The following PLXDC2 variants were observed in gnomAD, a reference collection of about 807,000 sequenced individuals.
The protein encoded by PLXDC2 is plexin domain containing 2, also known as plexin domain-containing protein 2.
A neutral mutation model predicts 68.9 loss-of-function variants in PLXDC2; 40 were observed. The ratio of observed to expected loss-of-function variants is 0.58; its 90% CI spans 0.45 to 0.76. The LOEUF (loss-of-function observed/expected upper bound fraction) is 0.76, where lower values mean the gene tolerates loss of function less well. PLXDC2 is among the 30% of genes least tolerant of loss of function. The probability of loss-of-function intolerance (pLI) is 0.00; values close to 1 mark genes in which losing one functional copy is unlikely to be tolerated. For synonymous variants in PLXDC2, 243 were observed against 234.2 expected, an observed-to-expected ratio of 1.04 and a Z score of -0.34; for missense variants, 644 against 661.9, an observed-to-expected ratio of 0.97 and a Z score of 0.30.
chr10:19,942,707 C>G (rs118062927), intron 1 of PLXDC2, among the ~76,000 whole-genome samples: 6,710 of 152,202 alleles, frequency 0.044, 222 homozygotes, highest in Non-Finnish European at 0.061. Context: ...GAGGTAGTTG[C>G]AGTGAGCGGA....
At chr10:20,153,039 C>T (rs536777845) in intron 6 of PLXDC2, among the ~76,000 whole-genome samples, 117 of 152,204 alleles carry the variant, frequency 7.7e-4, no homozygotes, top group African/African-American at 2.7e-3. Flanking sequence ...TCAGGGATCT[C>T]CACTAAAGAT....
intron 9 of PLXDC2, among the ~76,000 whole-genome samples, chr10:20,187,530 C>T (rs952333350): frequency 5.9e-5 from 9 of 151,492 alleles, no homozygotes; most frequent in Non-Finnish European, 4.4e-5. Context: ...TGAAAATATA[C>T]AATAAATTGT....
intron 13 of PLXDC2, among the ~76,000 whole-genome samples, chr10:20,260,233 TCAGTATA>T (rs962385479): frequency 3.3e-5 from 5 of 152,204 alleles, no homozygotes; most frequent in African/African-American, 1.2e-4. Flanking sequence ...TAACATATTT[TCAGTATA>T]CTGTGCAATG....
rs1439146496 is a variant in PLXDC2 at position 20,289,321 on chromosome 10, A to G, written c.*9502A>G. ...CCCCTATTCCCAGCCACAGTGCCCA[A>G]GCGTTCAAGTCTCCTGGATCAGACA... On this transcript the variant is annotated 3_prime_UTR_variant, in exon 14 of 14. Coordinates refer to ENST00000377252, the MANE Select transcript of PLXDC2 (RefSeq NM_032812.9). 2 of 152,200 alleles carry G rather than the reference A, an allele frequency of 1.3e-5. No individual in the cohort carries two copies. The highest frequency in any genetic ancestry group is 1.9e-4 in the East Asian group (1 of 5,194). The allele number at this position is 152,200 out of a possible 1,614,324, so 9.4% of individuals were successfully genotyped here. A position where few individuals can be genotyped will look rare whatever the true frequency, so the allele number is the denominator to read the frequency against.
intron 2 of PLXDC2, among the ~76,000 whole-genome samples, chr10:20,027,435 G>A (rs1835423305): frequency 6.6e-6 from 1 of 152,106 alleles, no homozygotes; most frequent in Non-Finnish European, 1.5e-5. Flanking sequence ...TACTATGTGA[G>A]GATGCAACGA....
At chr10:19,891,590 C>T (rs1837964816) in intron 1 of PLXDC2, among the ~76,000 whole-genome samples, 1 of 152,156 alleles carries the variant, frequency 6.6e-6, no homozygotes, top group Non-Finnish European at 1.5e-5. Flanking sequence ...CCACCTCTGC[C>T]TCCTCCTTAA....
intron 13 of PLXDC2, among the ~76,000 whole-genome samples, chr10:20,245,982 C>G (rs1418260544): frequency 1.3e-5 from 2 of 152,168 alleles, no homozygotes; most frequent in African/African-American, 4.8e-5. Flanking sequence ...GTTTTCACCA[C>G]AAAATGACAG....
intron 1 of PLXDC2, among the ~76,000 whole-genome samples, chr10:19,911,159 C>T (rs1419280359): frequency 6.6e-6 from 1 of 151,750 alleles, no homozygotes; most frequent in African/African-American, 2.4e-5. Flanking sequence ...TGATCCAAGA[C>T]CATATAATAT....
intron 1 of PLXDC2, among the ~76,000 whole-genome samples, chr10:19,857,361 T>C (rs1176669405): frequency 2.0e-5 from 3 of 152,360 alleles, no homozygotes; most frequent in African/African-American, 7.2e-5. Context: ...TAAAGCTGTA[T>C]TAATATTAAA....
Position 20,283,099 on chromosome 10 carries a change from G to A in PLXDC2, c.*3280G>A, listed in dbSNP as rs529210130. 2.6e-5 allele frequency: 4 copies of A among 152,278 alleles called. No individual in the cohort carries two copies. The allele number at this position is 152,278 out of a possible 1,614,324, so 9.4% of individuals were successfully genotyped here. On this transcript the variant is annotated 3_prime_UTR_variant, in exon 14 of 14. Coordinates refer to ENST00000377252, the MANE Select transcript of PLXDC2 (RefSeq NM_032812.9). ...TAATGGACAATGCTGTGTTTCATTT[G>A]AATTCGTTGTCCTTGAAGAAAAGGG... is the stretch of plus-strand genomic sequence containing the variant.
Position 19,854,372 on chromosome 10 carries a change from A to G in PLXDC2, c.112+37181A>G, listed in dbSNP as rs140780029. Among the ~76,000 whole-genome samples the G allele has an allele frequency of 5.3e-5, 8 of 152,320 alleles. No individual in the cohort carries two copies. In the East Asian group the frequency reaches 5.8e-4, roughly 11 times the overall value. On this transcript the variant is annotated intron_variant, in intron 1 of 13. Transcript: ENST00000377252. ...GTCCTAGATATGTTGTTTTTAATAT[A>G]AATCAGTGGCTATCAACCCAAGGCA...
In PLXDC2 at chr10:19,841,401, T is replaced by C. The variant is rs540113289; in HGVS notation, c.112+24210T>C. 2.3e-4 allele frequency among the ~76,000 whole-genome samples: 35 copies of C among 152,324 alleles called. 2 individuals carry two copies. The South Asian group carries it at 7.0e-3, about 31-fold the overall frequency. On this transcript the variant is annotated intron_variant, in intron 1 of 13. Coordinates refer to ENST00000377252, the MANE Select transcript of PLXDC2 (RefSeq NM_032812.9). ...AAACTTAATGCTTTTCCTTATTTCATATTTCTTTCAAGTTATGAAGGCAAT... is the reference window on the plus strand; with the variant it reads ...AAACTTAATGCTTTTCCTTATTTCACATTTCTTTCAAGTTATGAAGGCAAT...
At chr10:20,236,448 A>T (rs1204437943) in intron 12 of PLXDC2, among the ~76,000 whole-genome samples, 1 of 152,150 alleles carries the variant, frequency 6.6e-6, no homozygotes, top group Non-Finnish European at 1.5e-5. Flanking sequence ...CCGTCTAAAA[A>T]TTAATAATAA....
intron 1 of PLXDC2, among the ~76,000 whole-genome samples, chr10:19,895,591 T>G (rs1277607779): frequency 6.6e-6 from 1 of 152,192 alleles, no homozygotes; most frequent in African/African-American, 2.4e-5. Flanking sequence ...CTAGTGTGTA[T>G]TTTGCACTTA....
chr10:20,001,729 G>A (rs769177854), intron 1 of PLXDC2, 46 bp from the exon 2 acceptor site: 7 of 1,558,844 alleles, frequency 4.5e-6, no homozygotes, highest in Non-Finnish European at 6.2e-6. Flanking sequence ...TTGCATGTAT[G>A]GTACACATAA....
chr10:19,831,352 C>A (rs1836688577), intron 1 of PLXDC2, among the ~76,000 whole-genome samples: 1 of 152,054 alleles, frequency 6.6e-6, no homozygotes, highest in African/African-American at 2.4e-5. Context: ...TTCCTGTCCT[C>A]ATTTTATTTT....
chr10:19,917,252 G>C (rs1389514063), intron 1 of PLXDC2, among the ~76,000 whole-genome samples: 2 of 152,098 alleles, frequency 1.3e-5, no homozygotes, highest in African/African-American at 4.8e-5. Context: ...GCTGGGCACA[G>C]AGGCAGGATA....
At chr10:19,861,189 C>T (rs1039830555) in intron 1 of PLXDC2, among the ~76,000 whole-genome samples, 1 of 151,992 alleles carries the variant, frequency 6.6e-6, no homozygotes, top group African/African-American at 2.4e-5. Flanking sequence ...CACCCACCAC[C>T]ACGCCTGGCT....
At chr10:20,100,560 A>T (rs962631695) in intron 4 of PLXDC2, among the ~76,000 whole-genome samples, 2 of 152,170 alleles carry the variant, frequency 1.3e-5, no homozygotes, top group African/African-American at 4.8e-5. Flanking sequence ...GTTGACTATA[A>T]TACGGTTGCT....
Sources: allele counts gnomAD v4.1 joint callset (sites outside exome capture counted in the v4.1 genomes callset), GRCh38; gene constraint gnomAD v4.1.1; transcripts MANE v1.5; gene names NCBI Gene and HGNC (gene_info 2026-07-23, HGNC 2026-07-21).